The following CALN1 variants were observed in gnomAD, a reference collection of about 807,000 sequenced individuals.
CALN1 encodes the protein calneuron 1.
Under a neutral mutation model 30.6 loss-of-function variants are expected in CALN1, and 17 were observed. The ratio of observed to expected loss-of-function variants is 0.56; its 90% CI spans 0.38 to 0.83. The LOEUF (loss-of-function observed/expected upper bound fraction) is 0.83, where lower values mean the gene tolerates loss of function less well. Among genes scored for constraint, CALN1 ranks in the 40% least tolerant of loss-of-function variants. The pLI, the probability that CALN1 is intolerant of heterozygous loss-of-function variation, is 0.00. For missense variants in CALN1, 291 were observed against 354.9 expected, an observed-to-expected ratio of 0.82 and a Z score of 1.45; for synonymous variants, 156 against 131.4, an observed-to-expected ratio of 1.19 and a Z score of -1.28.
At chr7:71,948,260 C>T (rs1796508026) in intron 5 of CALN1, among the ~76,000 whole-genome samples, 1 of 152,026 alleles carries the variant, frequency 6.6e-6, no homozygotes, top group South Asian at 2.1e-4. Context: ...ACCACATAGT[C>T]TCTTCCCTTG....
intron 5 of CALN1, among the ~76,000 whole-genome samples, chr7:71,853,606 G>T (rs1216688906): frequency 2.0e-5 from 3 of 151,080 alleles, no homozygotes; most frequent in Admixed American, 6.6e-5. Context: ...TTGAGACAGG[G>T]TCTTGCTCTG....
intron 5 of CALN1, among the ~76,000 whole-genome samples, chr7:72,014,188 G>A (rs375657878): frequency 6.6e-6 from 1 of 151,354 alleles, no homozygotes; most frequent in East Asian, 2.0e-4. Context: ...CTGGGCTCCG[G>A]TGATTCCCCT....
chr7:72,493,170 C>A, the CALN1 span, among the ~76,000 whole-genome samples: 7 of 152,022 alleles, frequency 4.6e-5, no homozygotes, highest in African/African-American at 7.2e-5. Flanking sequence ...ACCACCTCCC[C>A]GGGTCTCCCA....
chr7:72,165,987 G>T (rs1251436383), intron 3 of CALN1, among the ~76,000 whole-genome samples: 4 of 152,144 alleles, frequency 2.6e-5, no homozygotes, highest in Non-Finnish European at 5.9e-5. Context: ...TTTTTAGGTG[G>T]CTGACCCAGC....
At chr7:72,414,088 A>C (rs531917200), upstream of CALN1, among the ~76,000 whole-genome samples, 23 of 151,954 alleles carry the variant, frequency 1.5e-4, no homozygotes, top group South Asian at 4.6e-3. Flanking sequence ...TCTTCCCATC[A>C]CCCTCGCCAA....
chr7:72,032,081 C>CA (rs1317724853), intron 4 of CALN1, among the ~76,000 whole-genome samples: 9 of 89,828 alleles, frequency 1.0e-4, no homozygotes, highest in South Asian at 3.9e-4. Context: ...TTTTTTGAGA[C>CA]AGAGTCTCAC....
intron 3 of CALN1, among the ~76,000 whole-genome samples, chr7:72,134,345 A>C (rs1809361349): frequency 1.3e-5 from 2 of 152,338 alleles, no homozygotes; most frequent in South Asian, 2.1e-4. Context: ...AAGGACTGAG[A>C]CACTAAACAA....
chr7:71,866,073 T>C (rs1791569731), intron 5 of CALN1, among the ~76,000 whole-genome samples: 1 of 152,080 alleles, frequency 6.6e-6, no homozygotes, highest in South Asian at 2.1e-4. Flanking sequence ...TGGCATGATC[T>C]TGGCTCACTG....
At chr7:72,387,190 A>AGGG (rs1805258190) in intron 2 of CALN1, among the ~76,000 whole-genome samples, 13 of 131,904 alleles carry the variant, frequency 9.9e-5, no homozygotes, top group African/African-American at 2.5e-4. Flanking sequence ...CAAACTAAGG[A>AGGG]AGGGAGGGAG....
chr7:71,936,590 A>C (rs1795849151), intron 5 of CALN1, among the ~76,000 whole-genome samples: 1 of 152,098 alleles, frequency 6.6e-6, no homozygotes. Flanking sequence ...GGGCTGCAGC[A>C]AAGGCTGGAA....
the CALN1 span, among the ~76,000 whole-genome samples, chr7:72,499,774 T>TTCCTTCCTTCCTTCCTTCCTTCC: frequency 8.4e-6 from 1 of 118,668 alleles, no homozygotes; most frequent in East Asian, 2.7e-4. Context: ...ACTTTCTTTC[T>TTCCTTCCTTCCTTCCTTCCTTCC]TTCCTTCCTT....
intron 3 of CALN1, among the ~76,000 whole-genome samples, chr7:72,209,273 CTTCCCTCT>C (rs201760988): frequency 4.6e-4 from 61 of 132,156 alleles, no homozygotes; most frequent in Admixed American, 5.3e-4. Flanking sequence ...TCCTTCCCTC[CTTCCCTCT>C]TTCCTTCCCT....
chr7:72,077,655 A>T (rs1163853844), intron 4 of CALN1, among the ~76,000 whole-genome samples: 4 of 152,146 alleles, frequency 2.6e-5, no homozygotes, highest in Admixed American at 1.3e-4. Flanking sequence ...GACAAAATCT[A>T]TAGGAATGTG....
At chr7:72,140,464 C>A (rs865994435) in intron 3 of CALN1, among the ~76,000 whole-genome samples, 1 of 152,072 alleles carries the variant, frequency 6.6e-6, no homozygotes, top group Non-Finnish European at 1.5e-5. Context: ...CCTGCCCAGA[C>A]AATTTTAGCA....
intron 5 of CALN1, among the ~76,000 whole-genome samples, chr7:72,010,097 A>C (rs543126083): frequency 3.3e-5 from 5 of 152,314 alleles, no homozygotes; most frequent in African/African-American, 9.6e-5. Context: ...TAAAGAGCCT[A>C]AGAAAATCAC....
chr7:71,969,814 C>T (rs978691390), intron 5 of CALN1, among the ~76,000 whole-genome samples: 5 of 149,900 alleles, frequency 3.3e-5, no homozygotes, highest in African/African-American at 1.0e-4. Context: ...TGGGTACAGG[C>T]TACTGTAGGA....
chr7:71,951,630 A>C (rs1454396806), intron 5 of CALN1, among the ~76,000 whole-genome samples: 4 of 152,140 alleles, frequency 2.6e-5, no homozygotes, highest in African/African-American at 9.7e-5. Flanking sequence ...ACAACAACAA[A>C]AAACGAATAA....
At chr7:72,034,738 T>C (rs914164096) in intron 4 of CALN1, among the ~76,000 whole-genome samples, 1 of 136,944 alleles carries the variant, frequency 7.3e-6, no homozygotes, top group Non-Finnish European at 1.5e-5. Context: ...TGGTGAGCTG[T>C]GATCATGCCA....
chr7:72,219,175 A>C (rs1396957517), intron 3 of CALN1, among the ~76,000 whole-genome samples: 1 of 152,124 alleles, frequency 6.6e-6, no homozygotes, highest in Admixed American at 6.6e-5. Flanking sequence ...GAAGAGGAAA[A>C]ATTCTTCCCT....
Sources: gnomAD v4.1 joint callset for allele counts (sites outside exome capture counted in the v4.1 genomes callset) on GRCh38, gnomAD v4.1.1 for gene constraint, MANE v1.5 for transcripts, NCBI Gene and HGNC (gene_info 2026-07-23, HGNC 2026-07-21) for gene names.